The following ABCG1 variants were observed in gnomAD, a reference collection of about 807,000 sequenced individuals.
The protein encoded by ABCG1 is ATP-binding cassette sub-family G member 1.
In ABCG1, 29 loss-of-function variants were observed where a neutral mutation model predicts 69.2. That is an observed-to-expected ratio of 0.42 (90% CI 0.31 to 0.57). The LOEUF is 0.57. ABCG1 is among the 20% of genes least tolerant of loss of function. ABCG1 has a pLI of 0.15. For synonymous variants in ABCG1, 370 were observed against 374.8 expected (o/e 0.99, Z 0.15); for missense variants, 718 against 898.1 (o/e 0.80, Z 2.56).
intron 7 of ABCG1, among the ~76,000 whole-genome samples, chr21:42,285,616 G>C (rs938489869): frequency 7.9e-5 from 12 of 152,150 alleles, no homozygotes; most frequent in African/African-American, 2.9e-4. Flanking sequence ...TTTCTGAGCA[G>C]GGGGTTAGCA....
intron 2 of ABCG1, among the ~76,000 whole-genome samples, chr21:42,207,266 G>A (rs542613655): frequency 3.4e-4 from 51 of 152,068 alleles, no homozygotes; most frequent in Admixed American, 6.5e-4. Context: ...TTCATTTTTT[G>A]TTCAGCTTGT....
intron 2 of ABCG1, among the ~76,000 whole-genome samples, chr21:42,227,175 T>C (rs575087044): frequency 6.6e-6 from 1 of 152,290 alleles, no homozygotes; most frequent in South Asian, 2.1e-4. Flanking sequence ...CAGTACCTTC[T>C]CAACAGACAA....
chr21:42,292,997 A>T (rs575711011), intron 13 of ABCG1, among the ~76,000 whole-genome samples: 1 of 143,958 alleles, frequency 6.9e-6, no homozygotes, highest in East Asian at 2.1e-4. Context: ...CACACTACAC[A>T]GTACACACCA....
chr21:42,208,891 C>T (rs1275239877), intron 2 of ABCG1, among the ~76,000 whole-genome samples: 1 of 152,192 alleles, frequency 6.6e-6, no homozygotes, highest in Admixed American at 6.5e-5. Context: ...GATAATCTCT[C>T]TAATCAAACT....
chr21:42,232,530 G>C, intron 2 of ABCG1, among the ~76,000 whole-genome samples: 1 of 152,218 alleles, frequency 6.6e-6, no homozygotes, highest in Non-Finnish European at 1.5e-5. Flanking sequence ...TTTTCCCAGA[G>C]AGTGCTCCTG....
intron 5 of ABCG1, 109 bp from the exon 6 acceptor site, chr21:42,282,165 C>T (rs2068821745): frequency 1.4e-5 from 21 of 1,465,516 alleles, no homozygotes; most frequent in South Asian, 7.9e-5. Context: ...GGGCCAGGCA[C>T]GGTGTGTCCA....
intron 2 of ABCG1, among the ~76,000 whole-genome samples, chr21:42,246,296 T>C (rs928526840): frequency 1.3e-5 from 2 of 152,250 alleles, no homozygotes; most frequent in Non-Finnish European, 2.9e-5. Context: ...GGATATAGGA[T>C]AGCTTTGAAA....
chr21:42,287,867 C>G lies in ABCG1; in HGVS notation c.974-22C>G. 1 of 1,540,344 alleles carries G rather than the reference C, an allele frequency of 6.5e-7. No individual in the cohort carries two copies. ...GTGTCCTTCCTGGAGCCCGGGCTGACCCCCGTCTGTGTCTCCTGCAGTCAT... is the reference window on the plus strand; with the variant it reads ...GTGTCCTTCCTGGAGCCCGGGCTGAGCCCCGTCTGTGTCTCCTGCAGTCAT... On this transcript the variant is annotated intron_variant, in intron 8 of 14. Coordinates refer to ENST00000398449, the MANE Select transcript of ABCG1 (RefSeq NM_016818.3). The surrounding 1 kb of genome is among the most constrained non-coding windows in gnomAD (Gnocchi z 6.2).
intron 3 of ABCG1, among the ~76,000 whole-genome samples, chr21:42,272,164 G>C (rs900817236): frequency 7.2e-5 from 11 of 152,198 alleles, no homozygotes. Flanking sequence ...AGAAATTGGG[G>C]TTTGAAAAAA....
intron 2 of ABCG1, among the ~76,000 whole-genome samples, chr21:42,235,091 C>T (rs893729142): frequency 6.6e-6 from 1 of 152,198 alleles, no homozygotes; most frequent in Non-Finnish European, 1.5e-5. Flanking sequence ...GCGCCCCGCG[C>T]GTGCTGGTGT....
chr21:42,253,793 G>A (rs1474224923), intron 2 of ABCG1, among the ~76,000 whole-genome samples: 4 of 152,122 alleles, frequency 2.6e-5, no homozygotes, highest in Non-Finnish European at 5.9e-5. Flanking sequence ...GGGATTATAG[G>A]GAAGTGAGGA....
chr21:42,295,311 A>G (rs975913902), intron 14 of ABCG1: 2 of 125,048 alleles, frequency 1.6e-5, no homozygotes, highest in African/African-American at 5.8e-5. Context: ...AGCCTAGGTG[A>G]CAGAGTGAGA....
At position 42,290,289 on chromosome 21, in the gene ABCG1, C is replaced by T. The variant is rs917950738; in HGVS notation, c.1393+71C>T. 4.8e-5 allele frequency: 72 copies of T among 1,510,102 alleles called. No homozygotes were observed. The African/African-American group carries it at 5.3e-4, about 11-fold the overall frequency. The allele number at this position is 1,510,102 out of a possible 1,614,324, so 93.5% of individuals were successfully genotyped here. ...ACCCAAGCATGGGGGCCTGAAGTCACGCCTTGACCAACAGATGAGTTTTCT... is the reference window on the plus strand; with the variant it reads ...ACCCAAGCATGGGGGCCTGAAGTCATGCCTTGACCAACAGATGAGTTTTCT... On this transcript the variant is annotated intron_variant, in intron 11 of 14. Transcript: ENST00000398449.
intron 2 of ABCG1, among the ~76,000 whole-genome samples, chr21:42,252,818 AT>A (rs1334134369): frequency 6.6e-6 from 1 of 152,108 alleles, no homozygotes; most frequent in Non-Finnish European, 1.5e-5. Context: ...TTTAACCCCC[AT>A]TGGCAGCAGG....
chr21:42,284,501 TG>T, intron 6 of ABCG1, 58 bp from the exon 7 acceptor site: 1 of 1,593,560 alleles, frequency 6.3e-7, no homozygotes. Flanking sequence ...CCCCGGAACC[TG>T]GGGCAGTGGC....
chr21:42,210,062 C>T (rs4148089), intron 2 of ABCG1, among the ~76,000 whole-genome samples: 16,832 of 151,800 alleles, frequency 0.11, 1,011 homozygotes, highest in East Asian at 0.25. Context: ...CCTTCGTCTC[C>T]GGCTCTACTT....
intron 2 of ABCG1, among the ~76,000 whole-genome samples, chr21:42,268,131 A>G (rs2068547557): frequency 6.6e-6 from 1 of 152,102 alleles, no homozygotes; most frequent in South Asian, 2.1e-4. Context: ...GGCACTCACT[A>G]TCCCAGCCAG....
chr21:42,288,974 C>T lies in ABCG1; in HGVS notation c.1224+662C>T, dbSNP rs558327035. Among the ~76,000 whole-genome samples the T allele has an allele frequency of 6.6e-6, 1 of 152,092 alleles. No homozygotes were observed. The highest frequency in any genetic ancestry group is 1.5e-5 in the Non-Finnish European group (1 of 68,026). Reference sequence around the variant, plus strand: ...ACATTCAGATCTCACAATAACTCACCCATTGTCATGAGCACAGACCCAAAG... The same window carrying T: ...ACATTCAGATCTCACAATAACTCACTCATTGTCATGAGCACAGACCCAAAG... On this transcript the variant is annotated intron_variant, in intron 10 of 14. Transcript: ENST00000398449. This position sits in a 1 kb window ranked among gnomAD's most constrained non-coding sequence, Gnocchi z 4.8.
chr21:42,222,669 A>C (rs2067748695), intron 1 of ABCG1, among the ~76,000 whole-genome samples: 1 of 152,080 alleles, frequency 6.6e-6, no homozygotes, highest in Non-Finnish European at 1.5e-5. Context: ...TGGTCATCCC[A>C]CCTCCCAGCA....
Sources: allele counts gnomAD v4.1 joint callset (sites outside exome capture counted in the v4.1 genomes callset), GRCh38; gene constraint gnomAD v4.1.1; non-coding constraint Gnocchi (gnomAD v3.1); transcripts MANE v1.5; gene names NCBI Gene and HGNC (gene_info 2026-07-23, HGNC 2026-07-21).